Variants in MFSD6 observed in about 807,000 individuals in gnomAD.
The protein encoded by MFSD6 is major facilitator superfamily domain containing 6, also known as major facilitator superfamily domain-containing protein 6.
In MFSD6, 26 loss-of-function variants were observed where a neutral mutation model predicts 56.3. The ratio of observed to expected loss-of-function variants is 0.46; its 90% confidence interval spans 0.34 to 0.64. The LOEUF (loss-of-function observed/expected upper bound fraction) is 0.64. Ranked by LOEUF, MFSD6 falls within the 30% of genes least tolerant of loss-of-function variation. The pLI, the probability that MFSD6 is intolerant of heterozygous loss-of-function variation, is 0.01. For synonymous variants in MFSD6, 331 were observed against 366.9 expected (o/e 0.90, Z 1.12); for missense variants, 750 against 986.2 (o/e 0.76, Z 3.21).
rs1686017627 is a variant in MFSD6 at position 190,431,912 on chromosome 2, T to C, written c.-53-4065T>C. ...CTTTTTCTTTAAAAATATACATTAT[T>C]CTGGTATTGTTTCATAGTTGCATAA... On this transcript the variant is annotated intron_variant, in intron 2 of 7. Transcript: ENST00000392328. The surrounding 1 kb of genome is among the most constrained non-coding windows in gnomAD (Gnocchi z 4.4). 6.6e-6 allele frequency among the ~76,000 whole-genome samples: 1 copy of C among 152,220 alleles called. No homozygotes were observed. Among genetic ancestry groups the C allele is most frequent in the Non-Finnish European group, 1.5e-5 (1 of 68,026 alleles).
intron 3 of MFSD6, among the ~76,000 whole-genome samples, chr2:190,455,644 T>C (rs936138033): frequency 5.3e-5 from 8 of 152,030 alleles, no homozygotes; most frequent in African/African-American, 1.7e-4. Flanking sequence ...ACATGAGATA[T>C]GAAGTGGAAA....
At position 190,497,362 on chromosome 2, in the gene MFSD6, T is replaced by C; in HGVS notation, c.1892-77T>C. On this transcript the variant is annotated intron_variant, in intron 6 of 7. Transcript: ENST00000392328. The surrounding 1 kb of genome is among the most constrained non-coding windows in gnomAD (Gnocchi z 5.2). ...GGAATGGGTATATGGGATTCTTGGT[T>C]TATTTATTTATTTTTACCTTTGTTC... 2 of 1,503,886 alleles carry C rather than the reference T, an allele frequency of 1.3e-6. No individual in the cohort carries two copies. The highest frequency in any genetic ancestry group is 1.8e-6 in the Non-Finnish European group (2 of 1,114,822). 93.2% of individuals were successfully genotyped at this position (1,503,886 alleles called of 1,614,324 possible). A position where few individuals can be genotyped will look rare whatever the true frequency, so the allele number is the denominator to read the frequency against.
chr2:190,473,362 C>T (rs1182396202), intron 4 of MFSD6, among the ~76,000 whole-genome samples: 1 of 152,120 alleles, frequency 6.6e-6, no homozygotes. Context: ...CAGAAACACA[C>T]ATAGGCTCAA....
At chr2:190,445,379 T>C (rs1686537137) in intron 3 of MFSD6, among the ~76,000 whole-genome samples, 1 of 151,902 alleles carries the variant, frequency 6.6e-6, no homozygotes, top group Non-Finnish European at 1.5e-5. Flanking sequence ...ATCTAGCTCC[T>C]TCACATGCTA....
rs1266942158 is a variant in MFSD6, at chr2:190,467,781, C to T, written c.1533-1977C>T. Reference sequence around the variant, plus strand: ...ACAAGAAGAATAAGATTTTGTGACACATGAAAATTATTTTATGAAGTTTGC... The same window carrying T: ...ACAAGAAGAATAAGATTTTGTGACATATGAAAATTATTTTATGAAGTTTGC... On this transcript the variant is annotated intron_variant, in intron 3 of 7. Transcript: ENST00000392328. The surrounding 1 kb of genome is among the most constrained non-coding windows in gnomAD (Gnocchi z 5.5). Among the ~76,000 whole-genome samples, 1 of 152,238 alleles carries T rather than the reference C, an allele frequency of 6.6e-6. No homozygotes were observed. Among genetic ancestry groups the T allele is most frequent in the East Asian group, 1.9e-4 (1 of 5,186 alleles).
chr2:190,466,221 A>G (rs1251604016), intron 3 of MFSD6, among the ~76,000 whole-genome samples: 1 of 152,160 alleles, frequency 6.6e-6, no homozygotes. Context: ...AAATACAATC[A>G]CATTTTGAGG....
rs1462333639 is a variant in MFSD6 at position 190,439,171 on chromosome 2, C to G, written c.1532+1610C>G. 6.6e-6 allele frequency among the ~76,000 whole-genome samples: 1 copy of G among 151,870 alleles called. No individual in the cohort carries two copies. The highest frequency in any genetic ancestry group is 1.5e-5 in the Non-Finnish European group (1 of 68,004). ...ATCAGATGCCTCCCTTCAGCTTGGG[C>G]AGATGAGCAAATCTCACTGCAGTTA... On this transcript the variant is annotated intron_variant, in intron 3 of 7. Coordinates refer to ENST00000392328, the MANE Select transcript of MFSD6 (RefSeq NM_017694.4). This position sits in a 1 kb window ranked among gnomAD's most constrained non-coding sequence, Gnocchi z 5.8.
At position 190,437,504 on chromosome 2, in the gene MFSD6, C is replaced by T; in HGVS notation, c.1475C>T (p.Ser492Phe). Reference sequence around the variant, plus strand: ...GTCTGTTCAGTCCTGAGTCATGTGTCTGAGCTGACAGCATATTTTTTTAGT... The same window carrying T: ...GTCTGTTCAGTCCTGAGTCATGTGTTTGAGCTGACAGCATATTTTTTTAGT... Reference protein sequence around the residue: ...FGVCSVLSHVSELTAYFFSHK... With the variant: ...FGVCSVLSHVFELTAYFFSHK... The change falls in exon 3 of 8, where the codon TCT (serine) becomes TTT (phenylalanine). Residue 492 changes from serine to phenylalanine, a missense_variant. Physicochemically the swap from Ser to Phe is radical, Grantham distance 155. This residue lies in a region of MFSD6 where 125 missense variants were observed against 223.1 expected (regional missense o/e 0.56). Coordinates refer to ENST00000392328, the MANE Select transcript of MFSD6 (RefSeq NM_017694.4). This position sits in a 1 kb window ranked among gnomAD's most constrained non-coding sequence, Gnocchi z 5.9. 1 of 1,614,206 alleles carries T rather than the reference C, an allele frequency of 6.2e-7. No homozygotes were observed. Among genetic ancestry groups the T allele is most frequent in the Non-Finnish European group, 8.5e-7 (1 of 1,180,038 alleles).
chr2:190,481,424 C>T (rs1442870171), intron 4 of MFSD6, among the ~76,000 whole-genome samples: 1 of 152,190 alleles, frequency 6.6e-6, no homozygotes, highest in Non-Finnish European at 1.5e-5. Flanking sequence ...TACCTTTTAT[C>T]CATAAATGCT....
rs1237709806 is a variant in MFSD6 at position 190,492,900 on chromosome 2, G to A, written c.1891+3034G>A. Among the ~76,000 whole-genome samples the A allele has an allele frequency of 6.6e-5, 10 of 151,466 alleles. No homozygotes were observed. Among genetic ancestry groups the A allele is most frequent in the Admixed American group, 5.9e-4 (9 of 15,188 alleles). ...AGCTCTAAATCTTGAAACAAATCCT[G>A]GAAACACATCCAAACAGAACCTCTT... On this transcript the variant is annotated intron_variant, in intron 6 of 7. Coordinates refer to ENST00000392328, the MANE Select transcript of MFSD6 (RefSeq NM_017694.4). This position sits in a 1 kb window ranked among gnomAD's most constrained non-coding sequence, Gnocchi z 5.2.
intron 4 of MFSD6, among the ~76,000 whole-genome samples, chr2:190,473,948 C>A (rs1688117420): frequency 6.6e-6 from 1 of 152,174 alleles, no homozygotes; most frequent in South Asian, 2.1e-4. Flanking sequence ...AACTGAACAA[C>A]CTACTCCTGA....
intron 2 of MFSD6, chr2:190,435,351 T>A (rs1403352342): frequency 6.6e-6 from 1 of 152,298 alleles, no homozygotes; most frequent in Non-Finnish European, 1.5e-5. Context: ...TCTTTTTTCT[T>A]GCCATTTTCT....
rs982826715 is a variant in MFSD6 at position 190,501,180 on chromosome 2, G to C, written c.*962G>C. On this transcript the variant is annotated 3_prime_UTR_variant, in exon 8 of 8. Coordinates refer to ENST00000392328, the MANE Select transcript of MFSD6 (RefSeq NM_017694.4). Reference sequence around the variant, plus strand: ...ACAAATCACAGTATAAGATTTAAGTGCCTGGGGGAAGGATACAATTTTTAG... The same window carrying C: ...ACAAATCACAGTATAAGATTTAAGTCCCTGGGGGAAGGATACAATTTTTAG... 1 of 152,170 alleles carries C rather than the reference G, an allele frequency of 6.6e-6. No homozygotes were observed. The highest frequency in any genetic ancestry group is 2.4e-5 in the African/African-American group (1 of 41,438). 9.4% of individuals were successfully genotyped at this position (152,170 alleles called of 1,614,324 possible).
chr2:190,408,314 TC>T (rs138119414), upstream of MFSD6: 33,792 of 151,838 alleles, frequency 0.22, 4,823 homozygotes, highest in South Asian at 0.33. Context: ...CCCCACCCGG[TC>T]CGCATCCCTC....
At chr2:190,432,710 C>T (rs1197274699) in intron 2 of MFSD6, among the ~76,000 whole-genome samples, 4 of 152,150 alleles carry the variant, frequency 2.6e-5, no homozygotes, top group African/African-American at 2.4e-5. Context: ...AGCCACCGCA[C>T]CTGGCCAAAA....
chr2:190,501,321 A>G lies in MFSD6; in HGVS notation c.*1103A>G, dbSNP rs1238887894. ...CAACTATACTTTCCAATGACTAAAGAAAGAAAATCTCAGTATATTCGTTCT... is the reference window on the plus strand; with the variant it reads ...CAACTATACTTTCCAATGACTAAAGGAAGAAAATCTCAGTATATTCGTTCT... On this transcript the variant is annotated 3_prime_UTR_variant, in exon 8 of 8. Transcript: ENST00000392328. 8.5e-5 allele frequency: 13 copies of G among 152,166 alleles called. No individual in the cohort carries two copies. The highest frequency in any genetic ancestry group is 8.5e-4 in the Admixed American group (13 of 15,272). 9.4% of individuals were successfully genotyped at this position (152,166 alleles called of 1,614,324 possible). A position where few individuals can be genotyped will look rare whatever the true frequency, so the allele number is the denominator to read the frequency against.
intron 3 of MFSD6, among the ~76,000 whole-genome samples, chr2:190,450,488 CTTTTTTT>C (rs10665730): frequency 1.0e-5 from 1 of 97,254 alleles, no homozygotes; most frequent in Non-Finnish European, 1.9e-5. Context: ...TCTCTTTTTC[CTTTTTTT>C]TTTTTTTTTT....
rs1690593316 is a variant in MFSD6 at position 190,412,312 on chromosome 2, G to C, written c.-175-2980G>C. The C allele has an allele frequency of 1.0e-6, 1 of 982,764 alleles. No individual in the cohort carries two copies. The highest frequency in any genetic ancestry group is 1.2e-6 in the Non-Finnish European group (1 of 827,736). 60.9% of individuals were successfully genotyped at this position (982,764 alleles called of 1,614,324 possible). A position where few individuals can be genotyped will look rare whatever the true frequency, so the allele number is the denominator to read the frequency against. The stretch of plus-strand genomic sequence containing the variant: ...TCTTGAGAAAGAGGGAATTGTAAAA[G>C]TATTTTACAGAAGAGATATTCTCAC... On this transcript the variant is annotated intron_variant, in intron 1 of 7. Transcript: ENST00000392328. This position sits in a 1 kb window ranked among gnomAD's most constrained non-coding sequence, Gnocchi z 4.1.
chr2:190,490,302 G>A lies in MFSD6; in HGVS notation c.1891+436G>A, dbSNP rs1293252197. ...ACAATGGCCGGGTGCAGTGGCTCAC[G>A]CCTGTAATCCCAACACTTTGGGAGG... is the stretch of plus-strand genomic sequence containing the variant. On this transcript the variant is annotated intron_variant, in intron 6 of 7. Transcript: ENST00000392328. This position sits in a 1 kb window ranked among gnomAD's most constrained non-coding sequence, Gnocchi z 4.5. Among the ~76,000 whole-genome samples, 2 of 151,186 alleles carry A rather than the reference G, an allele frequency of 1.3e-5. No individual in the cohort carries two copies. The highest frequency in any genetic ancestry group is 2.9e-5 in the Non-Finnish European group (2 of 67,888).
Sources: allele counts gnomAD v4.1 joint callset (sites outside exome capture counted in the v4.1 genomes callset), GRCh38; gene constraint gnomAD v4.1.1; regional missense constraint gnomAD v4.1.1; non-coding constraint Gnocchi (gnomAD v3.1); transcripts MANE v1.5; gene names NCBI Gene and HGNC (gene_info 2026-07-23, HGNC 2026-07-21).